The following STK4 variants were observed in gnomAD, a reference collection of about 807,000 sequenced individuals.
The protein encoded by STK4 is serine/threonine-protein kinase 4.
A neutral mutation model predicts 64.9 loss-of-function variants in STK4; 30 were observed. The observed-to-expected ratio is 0.46, with a 90% CI of 0.35 to 0.63. The LOEUF is 0.63. Among genes scored for constraint, STK4 ranks in the 20% least tolerant of loss-of-function variants. The pLI is 0.01. For synonymous variants in STK4, 177 were observed against 199.0 expected (o/e 0.89, Z 0.93); for missense variants, 466 against 598.5 (o/e 0.78, Z 2.31).
At chr20:45,007,959 G>C (rs1266294617) in intron 9 of STK4, among the ~76,000 whole-genome samples, 1 of 152,044 alleles carries the variant, frequency 6.6e-6, no homozygotes, top group Non-Finnish European at 1.5e-5. Context: ...TCAGTGTTTA[G>C]CTCCCACTAA....
At chr20:45,001,463 C>A in intron 9 of STK4, 110 bp downstream of exon 9, 1 of 1,302,270 alleles carries the variant, frequency 7.7e-7, no homozygotes, top group Non-Finnish European at 1.0e-6. Context: ...TCTTTTGTCA[C>A]AACCAAAGGA....
intron 10 of STK4, 76 bp from the exon 11 acceptor site, chr20:45,074,942 G>C: frequency 6.4e-7 from 1 of 1,569,360 alleles, no homozygotes. Context: ...CTGGGTGCCT[G>C]GGAAGGCTGG....
intron 4 of STK4, among the ~76,000 whole-genome samples, chr20:44,985,607 T>G (rs6073586): frequency 0.12 from 18,930 of 152,292 alleles, 1,542 homozygotes; most frequent in East Asian, 0.22. Context: ...CCTCCCAAAG[T>G]GCTGAGATTA....
intron 9 of STK4, among the ~76,000 whole-genome samples, chr20:45,024,374 A>T (rs977271327): frequency 4.0e-5 from 6 of 149,538 alleles, no homozygotes; most frequent in East Asian, 2.0e-4. Context: ...ACTGTATCCT[A>T]TTTTTTCCTG....
At chr20:45,063,446 T>C (rs1979274899) in intron 10 of STK4, among the ~76,000 whole-genome samples, 1 of 152,198 alleles carries the variant, frequency 6.6e-6, no homozygotes, top group African/African-American at 2.4e-5. Context: ...GGTTTGTTTT[T>C]TGCTTATAAA....
intron 10 of STK4, among the ~76,000 whole-genome samples, chr20:45,061,292 C>G (rs1978975569): frequency 6.6e-6 from 1 of 152,178 alleles, no homozygotes; most frequent in East Asian, 1.9e-4. Flanking sequence ...CGGTAGCTCC[C>G]AAACCTTAAC....
Position 45,075,479 on chromosome 20 carries a change from C to T in STK4, c.*303C>T, listed in dbSNP as rs899107295. On this transcript the variant is annotated 3_prime_UTR_variant, in exon 11 of 11. Coordinates refer to ENST00000372806, the MANE Select transcript of STK4 (RefSeq NM_006282.5). ...GATAGCTGGGAAAGTTTTACATTGT[C>T]TGTTTTTCTTCTCCCAATAGCTTTC... The T allele has an allele frequency of 4.7e-6, 1 of 211,398 alleles. No individual in the cohort carries two copies. The highest frequency in any genetic ancestry group is 9.5e-6 in the Non-Finnish European group (1 of 105,210). 13.1% of individuals were successfully genotyped at this position (211,398 alleles called of 1,614,324 possible). A position where few individuals can be genotyped will look rare whatever the true frequency, so the allele number is the denominator to read the frequency against.
intron 10 of STK4, among the ~76,000 whole-genome samples, chr20:45,071,482 A>G (rs1182514810): frequency 6.6e-6 from 1 of 152,138 alleles, no homozygotes; most frequent in East Asian, 1.9e-4. Context: ...GCTGTGTTGT[A>G]ATAGGTCAGA....
At chr20:45,026,311 CAG>C (rs1235560235) in intron 10 of STK4, among the ~76,000 whole-genome samples, 5 of 113,372 alleles carry the variant, frequency 4.4e-5, no homozygotes, top group Non-Finnish European at 9.3e-5. Context: ...GGTTAGGAGA[CAG>C]AAAGAGTGTG....
intron 9 of STK4, among the ~76,000 whole-genome samples, chr20:45,007,154 T>A (rs2067962177): frequency 6.6e-6 from 1 of 152,216 alleles, no homozygotes. Context: ...TCTACAGAGA[T>A]GATGTTTCTC....
intron 5 of STK4, among the ~76,000 whole-genome samples, chr20:44,993,538 G>A (rs1568698948): frequency 6.6e-6 from 1 of 152,186 alleles, no homozygotes; most frequent in African/African-American, 2.4e-5. Context: ...TAGTTCCTGT[G>A]TTAGTTTTTT....
At chr20:45,037,852 T>C (rs952937425) in intron 10 of STK4, among the ~76,000 whole-genome samples, 10 of 152,180 alleles carry the variant, frequency 6.6e-5, no homozygotes, top group African/African-American at 2.4e-4. Context: ...ATGTTAGAAA[T>C]CAGACACTTG....
chr20:44,984,047 T>G (rs979825739), intron 4 of STK4, among the ~76,000 whole-genome samples: 3 of 151,762 alleles, frequency 2.0e-5, no homozygotes, highest in African/African-American at 7.3e-5. Flanking sequence ...TTAAGTCAAT[T>G]TATTTCAGGT....
intron 10 of STK4, among the ~76,000 whole-genome samples, chr20:45,061,960 A>AC (rs1291952431): frequency 6.8e-6 from 1 of 146,208 alleles, no homozygotes; most frequent in African/African-American, 2.5e-5. Flanking sequence ...GCTCACTGCA[A>AC]CCCCCGTCTC....
chr20:45,006,868 C>T (rs958209688), intron 9 of STK4, among the ~76,000 whole-genome samples: 1 of 152,184 alleles, frequency 6.6e-6, no homozygotes, highest in African/African-American at 2.4e-5. Flanking sequence ...TCCCCTTTAA[C>T]AGGTATGTCT....
chr20:45,049,533 A>G (rs763069348), intron 10 of STK4, among the ~76,000 whole-genome samples: 11 of 152,182 alleles, frequency 7.2e-5, no homozygotes, highest in African/African-American at 1.2e-4. Context: ...AGTTCCTGGG[A>G]TGAATTAAGA....
chr20:45,058,097 CT>C (rs1006679002), intron 10 of STK4, among the ~76,000 whole-genome samples: 4 of 151,404 alleles, frequency 2.6e-5, no homozygotes, highest in African/African-American at 9.7e-5. Context: ...ACCCCTACCC[CT>C]ATCTAGACCT....
Position 45,075,200 on chromosome 20 carries a change from C to T in STK4, c.*24C>T. The T allele has an allele frequency of 6.2e-7, 1 of 1,609,918 alleles. No individual in the cohort carries two copies. The highest frequency in any genetic ancestry group is 8.5e-7 in the Non-Finnish European group (1 of 1,179,106). ...GAGCAAGGCCAGGCTGTGAGGGCCC[C>T]AGCTCCACCCAGGCTTTGGGTGAAT... is the stretch of plus-strand genomic sequence containing the variant. On this transcript the variant is annotated 3_prime_UTR_variant, in exon 11 of 11. Transcript: ENST00000372806.
Position 45,025,112 on chromosome 20 carries a change from G to A in STK4, c.1287G>A (p.Gln429=), listed in dbSNP as rs2068321947. The change falls in exon 10 of 11, where the codon CAG becomes CAA. Residue 429 remains glutamine, a synonymous_variant. Transcript: ENST00000372806. ...ATTCTTCAGATTGGAAAATACCACA[G>A]GATGGAGACTACGAGTTTGTAAGTA... ...LKNSSDWKIP[Q]DGDYEFLKSW... 6.2e-7 allele frequency: 1 copy of A among 1,611,376 alleles called. No homozygotes were observed.
Sources: allele counts gnomAD v4.1 joint callset (sites outside exome capture counted in the v4.1 genomes callset), GRCh38; gene constraint gnomAD v4.1.1; transcripts MANE v1.5; gene names NCBI Gene and HGNC (gene_info 2026-07-23, HGNC 2026-07-21).